The following ARHGEF10L variants were observed in gnomAD, a reference collection of about 807,000 sequenced individuals.
ARHGEF10L encodes the protein rho guanine nucleotide exchange factor 10-like protein.
ARHGEF10L carries 69 observed loss-of-function variants against 141.2 expected under a neutral mutation model. The ratio of observed to expected loss-of-function variants is 0.49; its 90% CI spans 0.40 to 0.60. The LOEUF is 0.60. Among genes scored for constraint, ARHGEF10L ranks in the 20% least tolerant of loss-of-function variants. The pLI, the probability that ARHGEF10L is intolerant of heterozygous loss-of-function variation, is 0.00. For missense variants in ARHGEF10L, 1,482 were observed against 1,734.3 expected (o/e 0.85, Z 2.58); for synonymous variants, 711 against 718.5 (o/e 0.99, Z 0.17).
At chr1:17,622,014 A>G (rs2060135452) in intron 11 of ARHGEF10L, 73 bp downstream of exon 11, 2 of 1,530,736 alleles carry the variant, frequency 1.3e-6, no homozygotes, top group Non-Finnish European at 1.8e-6. Context: ...CTTTATACGG[A>G]GTGTTTGGGG....
chr1:17,656,795 C>A lies in ARHGEF10L; in HGVS notation c.2860+87C>A. Reference sequence around the variant, plus strand: ...CTCTACCAAGAGAGGATACAGGAGGCTGGGCAGGAATGAATTGGGAAATCT... The same window carrying A: ...CTCTACCAAGAGAGGATACAGGAGGATGGGCAGGAATGAATTGGGAAATCT... On this transcript the variant is annotated intron_variant, in intron 25 of 28. Transcript: ENST00000361221. This position sits in a 1 kb window ranked among gnomAD's most constrained non-coding sequence, Gnocchi z 4.9. The A allele has an allele frequency of 6.8e-7, 1 of 1,477,856 alleles. No individual in the cohort carries two copies. Among genetic ancestry groups the A allele is most frequent in the Non-Finnish European group, 9.1e-7 (1 of 1,097,160 alleles). The allele number at this position is 1,477,856 out of a possible 1,614,324, so 91.5% of individuals were successfully genotyped here.
intron 28 of ARHGEF10L, 104 bp downstream of exon 28, chr1:17,695,384 G>A: frequency 1.4e-6 from 2 of 1,435,594 alleles, no homozygotes; most frequent in Non-Finnish European, 1.8e-6. Flanking sequence ...GTATAGGGAT[G>A]GGGTTCCAGT....
intron 1 of ARHGEF10L, among the ~76,000 whole-genome samples, chr1:17,559,296 G>A (rs1032275315): frequency 9.9e-5 from 15 of 152,246 alleles, no homozygotes; most frequent in African/African-American, 3.1e-4. Flanking sequence ...GGTAAGTATC[G>A]ACACAAGGCA....
At chr1:17,657,703 G>C (rs1040700827) in intron 25 of ARHGEF10L, among the ~76,000 whole-genome samples, 2 of 152,190 alleles carry the variant, frequency 1.3e-5, no homozygotes, top group African/African-American at 2.4e-5. Context: ...GGGGAAGAGG[G>C]AGGGAAAAAA....
chr1:17,680,568 C>A (rs2064043237), intron 26 of ARHGEF10L, among the ~76,000 whole-genome samples: 1 of 152,142 alleles, frequency 6.6e-6, no homozygotes, highest in Non-Finnish European at 1.5e-5. Context: ...CTCAGCTCAC[C>A]TGGGTTCATT....
At chr1:17,554,545 A>AGG (rs2077231764) in intron 1 of ARHGEF10L, among the ~76,000 whole-genome samples, 1 of 150,642 alleles carries the variant, frequency 6.6e-6, no homozygotes, top group African/African-American at 2.4e-5. Flanking sequence ...TGGGAGGCTG[A>AGG]ATCCTCAGCC....
At position 17,655,205 on chromosome 1, in the gene ARHGEF10L, G is replaced by T. The variant is rs150914559; in HGVS notation, c.2481+483G>T. Among the ~76,000 whole-genome samples the T allele has an allele frequency of 2.3e-4, 35 of 152,180 alleles. 1 individual carries two copies. The East Asian group carries it at 3.3e-3, about 14-fold the overall frequency. ...GCTGCTTCCCTTCTGAGAGTGATTT[G>T]TTCCTCATCATTTCCCATGATCTAG... On this transcript the variant is annotated intron_variant, in intron 23 of 28. Coordinates refer to ENST00000361221, the MANE Select transcript of ARHGEF10L (RefSeq NM_018125.4).
Position 17,570,544 on chromosome 1 carries a change from T to G in ARHGEF10L, c.-43-10009T>G, listed in dbSNP as rs576073362. On this transcript the variant is annotated intron_variant, in intron 1 of 28. Coordinates refer to ENST00000361221, the MANE Select transcript of ARHGEF10L (RefSeq NM_018125.4). ...GAGGTAGGACATGAAGTCGGGGGGG[T>G]TGTGGGGGCTCTGACACGTGGGGCC... Among the ~76,000 whole-genome samples, 38 of 144,604 alleles carry G rather than the reference T, an allele frequency of 2.6e-4. 1 individual carries two copies. In the South Asian group the frequency reaches 8.1e-3, roughly 31 times the overall value. The allele number at this position is 144,604 out of a possible 152,430, so 94.9% of individuals were successfully genotyped here. A position where few individuals can be genotyped will look rare whatever the true frequency, so the allele number is the denominator to read the frequency against.
Position 17,603,634 on chromosome 1 carries a change from G to T in ARHGEF10L, c.433+43G>T. 2.6e-6 allele frequency: 4 copies of T among 1,536,270 alleles called. No individual in the cohort carries two copies. Among genetic ancestry groups the T allele is most frequent in the East Asian group, 2.5e-5 (1 of 40,804 alleles). ...CTTCCCTGTTTCTCTTGGGGACAGG[G>T]GAGGGAGGCTGGGACTGGGGAGGGT... On this transcript the variant is annotated intron_variant, in intron 6 of 28. Coordinates refer to ENST00000361221, the MANE Select transcript of ARHGEF10L (RefSeq NM_018125.4). This position sits in a 1 kb window ranked among gnomAD's most constrained non-coding sequence, Gnocchi z 4.8.
chr1:17,518,908 A>G, the ARHGEF10L span, among the ~76,000 whole-genome samples: 2 of 149,888 alleles, frequency 1.3e-5, no homozygotes, highest in Non-Finnish European at 3.0e-5. Flanking sequence ...AGTGGCTCAC[A>G]CTGGCAATCC....
chr1:17,687,808 G>A, intron 27 of ARHGEF10L, 61 bp downstream of exon 27: 1 of 1,505,192 alleles, frequency 6.6e-7, no homozygotes, highest in Non-Finnish European at 8.9e-7. Flanking sequence ...CGGCCAGGTA[G>A]TGGTGTGACC....
intron 25 of ARHGEF10L, among the ~76,000 whole-genome samples, chr1:17,663,122 C>T (rs2062734884): frequency 1.3e-5 from 2 of 152,156 alleles, no homozygotes; most frequent in Non-Finnish European, 2.9e-5. Flanking sequence ...AATCTTGGCG[C>T]GCGCCGCTTG....
At chr1:17,580,061 A>C (rs927402217) in intron 1 of ARHGEF10L, among the ~76,000 whole-genome samples, 4 of 152,246 alleles carry the variant, frequency 2.6e-5, no homozygotes, top group Non-Finnish European at 4.4e-5. Flanking sequence ...GGACAGGAAG[A>C]GGCAGAGTCA....
chr1:17,543,884 G>T (rs530783864), intron 1 of ARHGEF10L, among the ~76,000 whole-genome samples: 1 of 151,734 alleles, frequency 6.6e-6, no homozygotes, highest in Non-Finnish European at 1.5e-5. Context: ...CTGACCTCAG[G>T]TGATCCACCT....
At chr1:17,513,517 A>T in the ARHGEF10L span, among the ~76,000 whole-genome samples, 88 of 152,316 alleles carry the variant, frequency 5.8e-4, no homozygotes, top group African/African-American at 2.0e-3. Flanking sequence ...AAGACTGCTG[A>T]CTTCAGGTGA....
intron 20 of ARHGEF10L, 37 bp from the exon 21 acceptor site, chr1:17,640,165 G>C (rs1160061845): frequency 6.3e-7 from 1 of 1,582,798 alleles, no homozygotes; most frequent in African/African-American, 1.3e-5. Context: ...CCCTTGTGTG[G>C]GTACTCACAC....
chr1:17,538,500 A>ACAAACCAACAAGTC (rs2076613969), upstream of ARHGEF10L, among the ~76,000 whole-genome samples: 2 of 152,162 alleles, frequency 1.3e-5, no homozygotes, highest in Non-Finnish European at 2.9e-5. Context: ...GGGACAATAA[A>ACAAACCAACAAGTC]CAAACCAACA....
At chr1:17,595,405 A>G (rs927103878) in intron 4 of ARHGEF10L, among the ~76,000 whole-genome samples, 5 of 152,008 alleles carry the variant, frequency 3.3e-5, no homozygotes, top group Admixed American at 6.6e-5. Flanking sequence ...GTGCATTGCC[A>G]CAGAGCAGGA....
the ARHGEF10L span, among the ~76,000 whole-genome samples, chr1:17,531,006 A>C: frequency 6.9e-4 from 105 of 152,000 alleles, no homozygotes; most frequent in Middle Eastern, 3.4e-3. Context: ...CTCCATCTCA[A>C]AAAAAAATAA....
Sources: gnomAD v4.1 joint callset for allele counts (sites outside exome capture counted in the v4.1 genomes callset) on GRCh38, gnomAD v4.1.1 for gene constraint, Gnocchi (gnomAD v3.1) non-coding constraint, MANE v1.5 for transcripts, NCBI Gene and HGNC (gene_info 2026-07-23, HGNC 2026-07-21) for gene names.